CDC42: variants seen among roughly 807,000 people sequenced by gnomAD.
CDC42 encodes cell division cycle 42.
Under a neutral mutation model 20.8 loss-of-function variants are expected in CDC42, and 1 was observed. The observed-to-expected ratio is 0.05, with a 90% CI of 0.02 to 0.23. The LOEUF (loss-of-function observed/expected upper bound fraction) is 0.23, where lower values mean the gene tolerates loss of function less well. Among genes scored for constraint, CDC42 ranks in the 10% least tolerant of loss-of-function variants. The probability of loss-of-function intolerance (pLI) is 1.00; values close to 1 mark genes in which losing one functional copy is unlikely to be tolerated. For missense variants in CDC42, 49 were observed against 227.9 expected (o/e 0.21, Z 5.05); for synonymous variants, 72 against 84.8 (o/e 0.85, Z 0.83).
At chr1:22,081,621 T>C (rs1268020288) in intron 2 of CDC42, 101 bp from the exon 3 acceptor site, 4 of 729,950 alleles carry the variant, frequency 5.5e-6, no homozygotes, top group Admixed American at 4.4e-5. Context: ...TAGGGGACGA[T>C]TAAGTCTTAG....
rs1645761166 is a variant in CDC42 at position 22,096,739 on chromosome 1, G to A, written c.*5222G>A. 6.6e-6 allele frequency among the ~76,000 whole-genome samples: 1 copy of A among 152,254 alleles called. No homozygotes were observed. Among genetic ancestry groups the A allele is most frequent in the Non-Finnish European group, 1.5e-5 (1 of 68,040 alleles). On this transcript the variant is annotated 3_prime_UTR_variant, in exon 6 of 6. Transcript: ENST00000656825. ...TGCCCAGGCCACACAGAGCCTTTGT[G>A]CAAATTAGAAAAGGCCCTTCCAAAG...
chr1:22,087,790 G>A (rs1026516002), intron 5 of CDC42, among the ~76,000 whole-genome samples: 1 of 152,026 alleles, frequency 6.6e-6, no homozygotes, highest in Admixed American at 6.6e-5. Flanking sequence ...TTTTTATTGT[G>A]TTTCTAAAAA....
chr1:22,057,446 G>A lies in CDC42; in HGVS notation c.-51+4704G>A, dbSNP rs17837947. On this transcript the variant is annotated intron_variant, in intron 1 of 5. Coordinates refer to ENST00000656825, the MANE Select transcript of CDC42 (RefSeq NM_001791.4). ...GTTGCCCAGGCTGGAGTGCAATGGC[G>A]CGATCTCGGCTCACCGCAACCTCCG... 1.7e-3 allele frequency among the ~76,000 whole-genome samples: 253 copies of A among 151,822 alleles called. 1 individual carries two copies. The highest frequency in any genetic ancestry group is 3.2e-3 in the Non-Finnish European group (215 of 67,920).
intron 3 of CDC42, among the ~76,000 whole-genome samples, chr1:22,084,335 G>GT (rs61584354): frequency 0.15 from 12,375 of 80,000 alleles, 1,312 homozygotes; most frequent in East Asian, 0.35. Flanking sequence ...CTTATTTCCT[G>GT]TTTTTTTTTT....
chr1:22,086,089 G>T (rs758782661), intron 3 of CDC42, among the ~76,000 whole-genome samples: 1 of 152,078 alleles, frequency 6.6e-6, no homozygotes, highest in East Asian at 1.9e-4. Context: ...CAGGTGATCC[G>T]CCTGTCTCGG....
intron 3 of CDC42, 93 bp from the exon 4 acceptor site, chr1:22,086,346 T>C: frequency 1.4e-6 from 1 of 737,566 alleles, no homozygotes; most frequent in Admixed American, 2.4e-5. Flanking sequence ...GATAAGTAAG[T>C]TGCTTTTTGA....
In CDC42 at chr1:22,094,978, CA is replaced by C. The variant is rs1389125117; in HGVS notation, c.*3465del. 6.6e-6 allele frequency among the ~76,000 whole-genome samples: 1 copy of C among 152,098 alleles called. No homozygotes were observed. Among genetic ancestry groups the C allele is most frequent in the Non-Finnish European group, 1.5e-5 (1 of 68,018 alleles). On this transcript the variant is annotated 3_prime_UTR_variant, in exon 6 of 6. Coordinates refer to ENST00000656825, the MANE Select transcript of CDC42 (RefSeq NM_001791.4). ...TTGGTGCTGGGTGCTAAGAAACTCG[CA>C]AAACAAGGGCCCTGCTCAAGAAGGA... is the stretch of plus-strand genomic sequence containing the variant.
At chr1:22,055,042 C>G (rs1353483501) in intron 1 of CDC42, among the ~76,000 whole-genome samples, 1 of 142,924 alleles carries the variant, frequency 7.0e-6, no homozygotes, top group Non-Finnish European at 1.5e-5. Context: ...CAAGCTCCGC[C>G]TCCCAGGTTC....
At chr1:22,075,675 A>G (rs1645541582) in intron 1 of CDC42, among the ~76,000 whole-genome samples, 1 of 152,228 alleles carries the variant, frequency 6.6e-6, no homozygotes, top group Non-Finnish European at 1.5e-5. Flanking sequence ...CACTGTTGCA[A>G]GTTCTTTACA....
In CDC42 at chr1:22,061,144, C is replaced by T. The variant is rs372870245; in HGVS notation, c.-51+8402C>T. On this transcript the variant is annotated intron_variant, in intron 1 of 5. Transcript: ENST00000656825. ...AAACCCAGCCGGGCAGAGTGGCTCACGCCTGTAATCCCAGCACTTTGGGAG... is the reference window on the plus strand; with the variant it reads ...AAACCCAGCCGGGCAGAGTGGCTCATGCCTGTAATCCCAGCACTTTGGGAG... 5.3e-5 allele frequency among the ~76,000 whole-genome samples: 8 copies of T among 152,268 alleles called. No homozygotes were observed. The East Asian group carries it at 1.4e-3, about 26-fold the overall frequency.
chr1:22,089,965 A>T, intron 5 of CDC42: 1 of 1,613,984 alleles, frequency 6.2e-7, no homozygotes, highest in Non-Finnish European at 8.5e-7. Context: ...AATGTGTTTG[A>T]TGAGGCTATC....
chr1:22,090,908 T>A, intron 5 of CDC42: 1 of 493,766 alleles, frequency 2.0e-6, no homozygotes. Context: ...TGACTCTGTC[T>A]AACTGGTGGG....
chr1:22,055,398 C>G (rs1344600450), intron 1 of CDC42, among the ~76,000 whole-genome samples: 2 of 151,776 alleles, frequency 1.3e-5, no homozygotes, highest in East Asian at 1.9e-4. Context: ...ATGTTACAAC[C>G]AATACCTGTC....
intron 1 of CDC42, among the ~76,000 whole-genome samples, chr1:22,063,512 A>G (rs928788880): frequency 6.6e-6 from 1 of 152,138 alleles, no homozygotes; most frequent in African/African-American, 2.4e-5. Context: ...CCAAGAACCT[A>G]CTCTATTTTA....
intron 1 of CDC42, chr1:22,068,672 CTTA>C (rs1645449882): frequency 6.6e-6 from 1 of 152,476 alleles, no homozygotes; most frequent in Non-Finnish European, 1.5e-5. Flanking sequence ...AAATTCTTTA[CTTA>C]TTAAGCTCTG....
At chr1:22,064,585 C>CTGGCCT (rs1645401494) in intron 1 of CDC42, among the ~76,000 whole-genome samples, 1 of 152,170 alleles carries the variant, frequency 6.6e-6, no homozygotes, top group African/African-American at 2.4e-5. Flanking sequence ...GCCACTGCGC[C>CTGGCCT]TGGCCTTGTG....
chr1:22,065,478 T>A (rs1393238978), intron 1 of CDC42, among the ~76,000 whole-genome samples: 1 of 152,206 alleles, frequency 6.6e-6, no homozygotes, highest in East Asian at 1.9e-4. Context: ...GATATTTAGA[T>A]GCTTTTACTT....
chr1:22,054,116 A>T (rs1237516233), intron 1 of CDC42, among the ~76,000 whole-genome samples: 3 of 152,218 alleles, frequency 2.0e-5, no homozygotes, highest in African/African-American at 7.2e-5. Flanking sequence ...TCTATGCTAG[A>T]CATTTTAGTT....
intron 5 of CDC42, 127 bp downstream of exon 5, chr1:22,086,993 T>C: frequency 1.4e-6 from 1 of 737,936 alleles, no homozygotes; most frequent in Non-Finnish European, 2.3e-6. Flanking sequence ...ATGAACAGCT[T>C]CATATTGTAT....
Sources: gnomAD v4.1 joint callset for allele counts (sites outside exome capture counted in the v4.1 genomes callset) on GRCh38, gnomAD v4.1.1 for gene constraint, MANE v1.5 for transcripts, NCBI Gene and HGNC (gene_info 2026-07-23, HGNC 2026-07-21) for gene names.